Variants in BABAM2 observed in about 807,000 individuals in gnomAD.
The protein encoded by BABAM2 is BRISC and BRCA1-A complex member 2.
A neutral mutation model predicts 54.7 loss-of-function variants in BABAM2; 31 were observed. That is an observed-to-expected ratio of 0.57 (90% confidence interval 0.43 to 0.77). The LOEUF (loss-of-function observed/expected upper bound fraction) is 0.77, where lower values mean the gene tolerates loss of function less well. Among genes scored for constraint, BABAM2 ranks in the 30% least tolerant of loss-of-function variants. BABAM2 has a pLI of 0.00. For missense variants in BABAM2, 364 were observed against 455.8 expected (o/e 0.80, Z 1.83); for synonymous variants, 167 against 162.9 (o/e 1.03, Z -0.19).
intron 10 of BABAM2, among the ~76,000 whole-genome samples, chr2:28,281,467 C>T (rs371282127): frequency 5.3e-5 from 8 of 152,332 alleles, no homozygotes; most frequent in Admixed American, 4.6e-4. Flanking sequence ...CCCCGAGCCC[C>T]ACCAGTCTCC....
intron 6 of BABAM2, among the ~76,000 whole-genome samples, chr2:28,086,930 C>T (rs1454903517): frequency 6.6e-6 from 1 of 152,174 alleles, no homozygotes; most frequent in Non-Finnish European, 1.5e-5. Flanking sequence ...TCTTGGTTTT[C>T]CTCTGATTTG....
At chr2:27,920,146 A>T (rs1228339422) in intron 2 of BABAM2, among the ~76,000 whole-genome samples, 1 of 152,142 alleles carries the variant, frequency 6.6e-6, no homozygotes, top group Non-Finnish European at 1.5e-5. Context: ...CCTGAAAATC[A>T]ACCGAGAAAA....
At chr2:28,088,690 G>A (rs916274487) in intron 6 of BABAM2, among the ~76,000 whole-genome samples, 2 of 152,164 alleles carry the variant, frequency 1.3e-5, no homozygotes, top group African/African-American at 4.8e-5. Flanking sequence ...GGGGACAAAG[G>A]CATCTATAGT....
intron 7 of BABAM2, among the ~76,000 whole-genome samples, chr2:28,220,572 G>T (rs1200804628): frequency 6.6e-6 from 1 of 151,182 alleles, no homozygotes; most frequent in Non-Finnish European, 1.5e-5. Context: ...TCTGTCTCTC[G>T]TATTACAAAA....
chr2:28,149,242 A>T (rs1247829041), intron 7 of BABAM2, among the ~76,000 whole-genome samples: 1 of 152,090 alleles, frequency 6.6e-6, no homozygotes, highest in Non-Finnish European at 1.5e-5. Context: ...GGTATAATGG[A>T]TGGTAGTCTA....
chr2:27,936,466 A>G (rs1352275988), intron 3 of BABAM2, among the ~76,000 whole-genome samples: 1 of 152,220 alleles, frequency 6.6e-6, no homozygotes, highest in South Asian at 2.1e-4. Context: ...CCAAAGGACT[A>G]TAAATCATGC....
chr2:28,223,410 A>G (rs777246883), intron 7 of BABAM2, among the ~76,000 whole-genome samples: 69 of 152,214 alleles, frequency 4.5e-4, no homozygotes, highest in Non-Finnish European at 6.9e-4. Context: ...CACCAGGGCC[A>G]GGCACCCGGG....
At chr2:27,987,017 C>G (rs1573332638) in intron 3 of BABAM2, among the ~76,000 whole-genome samples, 2 of 152,084 alleles carry the variant, frequency 1.3e-5, no homozygotes, top group Admixed American at 1.3e-4. Flanking sequence ...GTAAATTTGT[C>G]TTATGTTTCA....
At position 28,193,561 on chromosome 2, in the gene BABAM2, G is replaced by A. The variant is rs551947122; in HGVS notation, c.681-43641G>A. On this transcript the variant is annotated intron_variant, in intron 7 of 11. Coordinates refer to ENST00000379624, the MANE Select transcript of BABAM2 (RefSeq NM_199191.3). ...ACTGCTCTTTAAAAGCTGTAAAGTG[G>A]CATGAAAATACAAGGAGTTGTTATT... is the stretch of plus-strand genomic sequence containing the variant. 2.6e-5 allele frequency among the ~76,000 whole-genome samples: 4 copies of A among 152,292 alleles called. No homozygotes were observed. In the East Asian group the frequency reaches 7.7e-4, roughly 29 times the overall value.
chr2:27,979,134 TCTC>T (rs1671819395), intron 3 of BABAM2, among the ~76,000 whole-genome samples: 1 of 151,930 alleles, frequency 6.6e-6, no homozygotes, highest in Non-Finnish European at 1.5e-5. Context: ...TTCAAGCAAT[TCTC>T]CTGCCTTAGC....
chr2:28,147,762 T>G (rs898278960), intron 7 of BABAM2, among the ~76,000 whole-genome samples: 4 of 152,184 alleles, frequency 2.6e-5, no homozygotes, highest in Non-Finnish European at 5.9e-5. Flanking sequence ...CGTGAGCCAC[T>G]GCGCCCGGCC....
intron 7 of BABAM2, among the ~76,000 whole-genome samples, chr2:28,176,569 CAAAAAAA>C (rs778275011): frequency 0.032 from 163 of 5,038 alleles, 3 homozygotes; most frequent in Admixed American, 0.088. Flanking sequence ...GACTCTATCT[CAAAAAAA>C]AAAAAAAAAA....
chr2:28,087,108 A>G (rs1272028165), intron 6 of BABAM2, among the ~76,000 whole-genome samples: 2 of 152,180 alleles, frequency 1.3e-5, no homozygotes, highest in African/African-American at 2.4e-5. Context: ...GAGATCTTCA[A>G]ATGCCAGCAT....
chr2:28,051,131 G>A (rs976889370), intron 6 of BABAM2, among the ~76,000 whole-genome samples: 6 of 152,076 alleles, frequency 3.9e-5, no homozygotes, highest in Admixed American at 2.6e-4. Context: ...CTCCTGTAAC[G>A]TTTCTCAAAA....
At chr2:27,940,769 T>A (rs1486743973) in intron 3 of BABAM2, among the ~76,000 whole-genome samples, 1 of 152,172 alleles carries the variant, frequency 6.6e-6, no homozygotes, top group African/African-American at 2.4e-5. Context: ...AAGTAAAGCC[T>A]ATGATGCCCA....
chr2:28,106,477 T>G (rs1029116734), intron 6 of BABAM2, among the ~76,000 whole-genome samples: 1 of 152,242 alleles, frequency 6.6e-6, no homozygotes, highest in African/African-American at 2.4e-5. Flanking sequence ...AGTTTGTCCT[T>G]GACATTTACA....
chr2:28,245,034 T>C (rs1432520580), intron 10 of BABAM2, among the ~76,000 whole-genome samples, 172 bp downstream of exon 10: 2 of 152,096 alleles, frequency 1.3e-5, no homozygotes, highest in Admixed American at 6.6e-5. Context: ...CCGGTGGTTC[T>C]CAACCACTGG....
At chr2:27,929,051 TAAAAAAAA>T (rs374733074) in intron 2 of BABAM2, among the ~76,000 whole-genome samples, 1 of 114,624 alleles carries the variant, frequency 8.7e-6, no homozygotes, top group African/African-American at 3.4e-5. Context: ...CCTCCTCTCT[TAAAAAAAA>T]AAAAAAAAAA....
intron 3 of BABAM2, among the ~76,000 whole-genome samples, chr2:27,941,628 CA>C (rs1428863269): frequency 6.6e-6 from 1 of 151,528 alleles, no homozygotes; most frequent in Non-Finnish European, 1.5e-5. Context: ...CTGTTTGTGA[CA>C]GAGTGAAGAA....
Sources: allele counts gnomAD v4.1 joint callset (sites outside exome capture counted in the v4.1 genomes callset), GRCh38; gene constraint gnomAD v4.1.1; transcripts MANE v1.5; gene names NCBI Gene and HGNC (gene_info 2026-07-23, HGNC 2026-07-21).